Variants in RNF6 observed in about 807,000 individuals in gnomAD.
The protein encoded by RNF6 is E3 ubiquitin-protein ligase RNF6.
In RNF6, 21 loss-of-function variants were observed where a neutral mutation model predicts 50.1. The ratio of observed to expected loss-of-function variants is 0.42; its 90% CI spans 0.30 to 0.60. The LOEUF is 0.60. Among genes scored for constraint, RNF6 ranks in the 20% least tolerant of loss-of-function variants. RNF6 has a pLI of 0.20. For missense variants in RNF6, 698 were observed against 838.2 expected, an observed-to-expected ratio of 0.83 and a Z score of 2.07; for synonymous variants, 255 against 291.8, an observed-to-expected ratio of 0.87 and a Z score of 1.29.
At position 26,218,581 on chromosome 13, in the gene RNF6, T is replaced by C. The variant is rs747852474; in HGVS notation, c.219A>G (p.Gln73=). Residue 73 remains glutamine (Q), a synonymous_variant, in exon 4 of 5, where the codon CAA becomes CAG. Coordinates refer to ENST00000381588, the MANE Select transcript of RNF6 (RefSeq NM_005977.4). ...GTTCCTTGACGCCATCTAACCGCTG[T>C]TGCAGTTCTTCTGATGTTATTTCTC... The part of the protein sequence containing the change: ...TPGEITSEEL[Q]QRLDGVKEQL... The C allele has an allele frequency of 1.1e-5, 18 of 1,613,936 alleles. No individual in the cohort carries two copies. The highest frequency in any genetic ancestry group is 1.5e-5 in the Non-Finnish European group (18 of 1,179,856).
At chr13:26,183,228 T>G (rs1873326369) in intron 5 of RNF6, among the ~76,000 whole-genome samples, 1 of 152,212 alleles carries the variant, frequency 6.6e-6, no homozygotes. Context: ...ATCATTCAGT[T>G]TGCTTTCAAA....
intron 5 of RNF6, among the ~76,000 whole-genome samples, chr13:26,140,751 G>T (rs923868083): frequency 5.9e-5 from 9 of 152,102 alleles, no homozygotes; most frequent in African/African-American, 2.2e-4. Context: ...CTAACAAAAA[G>T]CTCCTAGACC....
chr13:26,164,415 T>C (rs1174816660), intron 5 of RNF6, among the ~76,000 whole-genome samples: 1 of 152,198 alleles, frequency 6.6e-6, no homozygotes, highest in Admixed American at 6.5e-5. Flanking sequence ...TTATAGTATA[T>C]TAAGTCTGCC....
chr13:26,157,999 A>ATAGAT (rs150049232), intron 5 of RNF6, among the ~76,000 whole-genome samples: 15 of 150,030 alleles, frequency 1.0e-4, no homozygotes, highest in East Asian at 2.0e-4. Flanking sequence ...AGATAGATAG[A>ATAGAT]AGAAGTCATT....
At chr13:26,184,018 A>AT (rs1169961717) in intron 5 of RNF6, among the ~76,000 whole-genome samples, 3 of 33,940 alleles carry the variant, frequency 8.8e-5, no homozygotes, top group African/African-American at 2.8e-4. Context: ...ATATATATAT[A>AT]TTTTTTTTTT....
intron 5 of RNF6, among the ~76,000 whole-genome samples, chr13:26,134,196 C>T (rs1870532949): frequency 6.6e-6 from 1 of 152,248 alleles, no homozygotes. Flanking sequence ...CTGCCATCCA[C>T]ATCGTCTCCA....
At chr13:26,216,112 G>GT (rs567351926) in intron 4 of RNF6, among the ~76,000 whole-genome samples, 183 of 152,324 alleles carry the variant, frequency 1.2e-3, no homozygotes, top group African/African-American at 4.3e-3. Flanking sequence ...ATCAAGAAAT[G>GT]TGAGTTTCTG....
chr13:26,194,732 C>G (rs1314117864), intron 5 of RNF6, among the ~76,000 whole-genome samples: 1 of 152,096 alleles, frequency 6.6e-6, no homozygotes, highest in African/African-American at 2.4e-5. Context: ...GCAAGGAGAG[C>G]CAGTCCAAGT....
intron 5 of RNF6, among the ~76,000 whole-genome samples, chr13:26,160,394 T>C (rs1872137795): frequency 6.6e-6 from 1 of 151,824 alleles, no homozygotes. Context: ...CTACTACCTA[T>C]TTTTTTTATT....
In RNF6 at chr13:26,214,375, C is replaced by G. The variant is rs754193298; in HGVS notation, c.1507G>C (p.Glu503Gln). 6.2e-6 allele frequency: 10 copies of G among 1,614,112 alleles called. No homozygotes were observed. Among genetic ancestry groups the G allele is most frequent in the South Asian group, 2.2e-5 (2 of 91,074 alleles). ...TGGCCATTTCTTTGAAGTTCTGACT[C>G]AGAATCGGCCTCCATTAGAGAACTC... ...ELSSLMEADS[E>Q]SELQRNGQHL... The change falls in exon 5 of 5, where the codon GAG becomes CAG. Residue 503 changes from glutamate to glutamine, a missense_variant. Transcript: ENST00000381588.
At chr13:26,138,820 T>C in intron 5 of RNF6, among the ~76,000 whole-genome samples, 1 of 152,294 alleles carries the variant, frequency 6.6e-6, no homozygotes, top group Middle Eastern at 3.4e-3. Flanking sequence ...GAAGGCAGGT[T>C]TGTTTCTGGA....
Position 26,136,773 on chromosome 13 carries a change from C to T in RNF6, n.769-4322G>A, listed in dbSNP as rs374879657. On this transcript the variant is annotated intron_variant and non_coding_transcript_variant, in intron 5 of 5. Coordinates refer to the RNF6 transcript ENST00000468480. ...CAAAAATATGGCCTCACTGGGGAGG[C>T]CAGTGATATGATAAAGGATCTCCAA... Among the ~76,000 whole-genome samples the T allele has an allele frequency of 6.6e-5, 10 of 152,068 alleles. No individual in the cohort carries two copies. In the East Asian group the frequency reaches 1.4e-3, roughly 21 times the overall value.
chr13:26,167,612 T>C (rs531646005), intron 5 of RNF6, among the ~76,000 whole-genome samples: 1 of 152,322 alleles, frequency 6.6e-6, no homozygotes, highest in East Asian at 1.9e-4. Context: ...GGAGTATAAA[T>C]TAGTTCAACC....
In RNF6 at chr13:26,214,207, G is replaced by A. The variant is rs756432655; in HGVS notation, c.1675C>T (p.His559Tyr). 3.1e-6 allele frequency: 5 copies of A among 1,614,074 alleles called. No homozygotes were observed. The highest frequency in any genetic ancestry group is 4.5e-5 in the East Asian group (2 of 44,898). ...CCCCTACTGTCACTGTTTCGAGTAT[G>A]AGGCTGGGTGGTCTCGTTTTCACCA... ...MHGENETTQP[H>Y]TRNSDSRGGR... The change falls in exon 5 of 5, where the codon CAT becomes TAT. Residue 559 changes from histidine to tyrosine, a missense_variant. Physicochemically the swap from His to Tyr is moderately conservative, Grantham distance 83 (BLOSUM62 2). Transcript: ENST00000381588.
At chr13:26,164,555 C>T (rs1872357769) in intron 5 of RNF6, among the ~76,000 whole-genome samples, 2 of 152,078 alleles carry the variant, frequency 1.3e-5, no homozygotes, top group African/African-American at 4.8e-5. Context: ...TAAAAATAGT[C>T]TTTTTTTCTT....
At position 26,159,750 on chromosome 13, in the gene RNF6, C is replaced by T. The variant is rs1209989198; in HGVS notation, n.769-27299G>A. On this transcript the variant is annotated intron_variant and non_coding_transcript_variant, in intron 5 of 5. Transcript: ENST00000468480. ...AAATTTGAAGAGAATAAATTAAAAA[C>T]AGAAATAACAAATTTTCCATCTCAA... Among the ~76,000 whole-genome samples the T allele has an allele frequency of 2.6e-5, 4 of 151,950 alleles. 1 individual carries two copies. The highest frequency in any genetic ancestry group is 9.7e-5 in the African/African-American group (4 of 41,404).
intron 5 of RNF6, among the ~76,000 whole-genome samples, chr13:26,137,309 T>G (rs1180104132): frequency 6.6e-6 from 1 of 151,748 alleles, no homozygotes; most frequent in Non-Finnish European, 1.5e-5. Context: ...AAAGAGCTTT[T>G]TTTTTAAAGA....
At chr13:26,165,172 C>T (rs867482432) in intron 5 of RNF6, among the ~76,000 whole-genome samples, 14 of 152,316 alleles carry the variant, frequency 9.2e-5, no homozygotes, top group Admixed American at 6.5e-4. Context: ...AAGGGGCCAA[C>T]GTAGAACTTG....
At chr13:26,188,663 T>G (rs914697172) in intron 5 of RNF6, among the ~76,000 whole-genome samples, 2 of 116,706 alleles carry the variant, frequency 1.7e-5, no homozygotes, top group Non-Finnish European at 3.3e-5. Context: ...TGAGATGAAG[T>G]CTCACTCTGT....
Sources: gnomAD v4.1 joint callset for allele counts (sites outside exome capture counted in the v4.1 genomes callset) on GRCh38, gnomAD v4.1.1 for gene constraint, MANE v1.5 for transcripts, NCBI Gene and HGNC (gene_info 2026-07-23, HGNC 2026-07-21) for gene names.